Variants in CDH12 observed in about 807,000 individuals in gnomAD.
CDH12 encodes cadherin-12.
CDH12 carries 41 observed loss-of-function variants against 74.1 expected under a neutral mutation model. The ratio of observed to expected loss-of-function variants is 0.55; its 90% CI spans 0.43 to 0.72. CDH12 has a LOEUF of 0.72. CDH12 is among the 30% of genes least tolerant of loss of function. The pLI is 0.00. For synonymous variants in CDH12, 399 were observed against 355.0 expected (o/e 1.12, Z -1.39); for missense variants, 945 against 977.2 (o/e 0.97, Z 0.44).
intron 5 of CDH12, among the ~76,000 whole-genome samples, chr5:21,981,551 A>G (rs1389619423): frequency 2.0e-5 from 3 of 151,916 alleles, no homozygotes; most frequent in Non-Finnish European, 4.4e-5. Context: ...TGGTTTCTCT[A>G]TTTCATAGGA....
chr5:22,516,531 A>C (rs1736813498), intron 1 of CDH12, among the ~76,000 whole-genome samples: 1 of 152,226 alleles, frequency 6.6e-6, no homozygotes. Flanking sequence ...GCAGTGGGTC[A>C]CACCTGTAAT....
chr5:22,346,455 CATT>C (rs1398402071), intron 3 of CDH12, among the ~76,000 whole-genome samples: 2 of 152,126 alleles, frequency 1.3e-5, no homozygotes, highest in Admixed American at 6.5e-5. Flanking sequence ...CAAATCACAT[CATT>C]GTCTTCACAG....
intron 3 of CDH12, among the ~76,000 whole-genome samples, chr5:22,276,800 C>T (rs963871199): frequency 1.3e-5 from 2 of 152,222 alleles, no homozygotes; most frequent in Admixed American, 1.3e-4. Flanking sequence ...CATGCTCCTG[C>T]CTCAGCCTCC....
intron 2 of CDH12, among the ~76,000 whole-genome samples, chr5:22,497,660 T>TC (rs1169553695): frequency 9.7e-5 from 14 of 145,020 alleles, no homozygotes; most frequent in Middle Eastern, 3.7e-3. Context: ...TTTTTTTTTT[T>TC]GAGATGTAAT....
chr5:22,229,860 TACAC>T (rs150657280), intron 3 of CDH12, among the ~76,000 whole-genome samples: 2 of 148,644 alleles, frequency 1.3e-5, no homozygotes, highest in African/African-American at 4.9e-5. Context: ...TTCTAATTGA[TACAC>T]ACACACACAC....
chr5:22,364,606 A>G (rs1047923660), intron 3 of CDH12, among the ~76,000 whole-genome samples: 1 of 152,218 alleles, frequency 6.6e-6, no homozygotes, highest in Non-Finnish European at 1.5e-5. Context: ...TGGAACATTT[A>G]TAACAATGGT....
intron 3 of CDH12, among the ~76,000 whole-genome samples, chr5:22,231,955 A>C (rs949320721): frequency 1.8e-4 from 27 of 151,952 alleles, no homozygotes; most frequent in Admixed American, 6.6e-4. Context: ...AAGAAAGAGC[A>C]TAAACAAGAA....
At chr5:22,080,670 A>C (rs1478100094) in intron 4 of CDH12, among the ~76,000 whole-genome samples, 1 of 152,190 alleles carries the variant, frequency 6.6e-6, no homozygotes, top group Non-Finnish European at 1.5e-5. Flanking sequence ...TTTCAAAGAC[A>C]GTACAAAAAA....
intron 4 of CDH12, among the ~76,000 whole-genome samples, chr5:22,146,005 T>A (rs1231524758): frequency 6.6e-6 from 1 of 150,630 alleles, no homozygotes; most frequent in Non-Finnish European, 1.5e-5. Context: ...TTTTCTAGCA[T>A]GAAAATGTGC....
rs370025747 is a variant in CDH12 at position 22,842,215 on chromosome 5, A to C, written c.-523+10843T>G. 2.6e-5 allele frequency among the ~76,000 whole-genome samples: 4 copies of C among 152,322 alleles called. No homozygotes were observed. In the East Asian group the frequency reaches 7.7e-4, roughly 29 times the overall value. On this transcript the variant is annotated intron_variant, in intron 1 of 14. Coordinates refer to ENST00000382254, the MANE Select transcript of CDH12 (RefSeq NM_004061.5). ...TTCTACATGACTTCTTTTAAAATGC[A>C]AACACGTTACCTGAAATGTATAATG...
chr5:22,486,320 T>C (rs547800596), intron 2 of CDH12, among the ~76,000 whole-genome samples: 1 of 152,206 alleles, frequency 6.6e-6, no homozygotes, highest in African/African-American at 2.4e-5. Context: ...TATCACTTTA[T>C]TGCCTTCCAG....
At chr5:22,285,921 A>G (rs970041474) in intron 3 of CDH12, among the ~76,000 whole-genome samples, 2 of 152,144 alleles carry the variant, frequency 1.3e-5, no homozygotes, top group African/African-American at 4.8e-5. Flanking sequence ...ATTCATTTAC[A>G]TGTAGAGGCA....
intron 4 of CDH12, among the ~76,000 whole-genome samples, chr5:22,089,761 A>T (rs183422394): frequency 1.3e-5 from 2 of 152,144 alleles, no homozygotes; most frequent in African/African-American, 4.8e-5. Context: ...AAAATATGAG[A>T]ATTTCTGTAA....
intron 5 of CDH12, among the ~76,000 whole-genome samples, chr5:22,014,852 T>G (rs1737510665): frequency 6.6e-6 from 1 of 152,144 alleles, no homozygotes; most frequent in Admixed American, 6.5e-5. Flanking sequence ...TTTGATAGCC[T>G]TGAATTTCAG....
intron 6 of CDH12, among the ~76,000 whole-genome samples, chr5:21,974,745 T>C (rs1453263226): frequency 6.6e-6 from 1 of 152,158 alleles, no homozygotes; most frequent in Non-Finnish European, 1.5e-5. Flanking sequence ...TGGCATTTTG[T>C]GGTGTAGGGT....
chr5:22,073,179 T>C (rs1561081754), intron 5 of CDH12, among the ~76,000 whole-genome samples: 1 of 152,152 alleles, frequency 6.6e-6, no homozygotes, highest in Non-Finnish European at 1.5e-5. Context: ...AATGCATTCT[T>C]CATCAAAAAT....
rs1457231398 is a variant in CDH12, at chr5:22,834,050, A to G, written c.-523+19008T>C. Among the ~76,000 whole-genome samples, 5 of 152,152 alleles carry G rather than the reference A, an allele frequency of 3.3e-5. No homozygotes were observed. The East Asian group carries it at 9.6e-4, about 29-fold the overall frequency. On this transcript the variant is annotated intron_variant, in intron 1 of 14. Transcript: ENST00000382254. ...GCATGACTATCAGATGTTTTAGTGA[A>G]TAATCCTTGACCTTCAACAACTGAA...
At chr5:21,992,144 C>G (rs1216151329) in intron 5 of CDH12, among the ~76,000 whole-genome samples, 1 of 151,400 alleles carries the variant, frequency 6.6e-6, no homozygotes, top group African/African-American at 2.4e-5. Context: ...TACTTATTTC[C>G]CAATAGGTTA....
chr5:22,233,757 A>G (rs1752467912), intron 3 of CDH12, among the ~76,000 whole-genome samples: 1 of 152,182 alleles, frequency 6.6e-6, no homozygotes, highest in African/African-American at 2.4e-5. Context: ...GAAACTAGAT[A>G]AGGCCTATAA....
Sources: gnomAD v4.1 joint callset for allele counts (sites outside exome capture counted in the v4.1 genomes callset) on GRCh38, gnomAD v4.1.1 for gene constraint, MANE v1.5 for transcripts, NCBI Gene and HGNC (gene_info 2026-07-23, HGNC 2026-07-21) for gene names.